The following INPP4A variants were observed in gnomAD, a reference collection of about 807,000 sequenced individuals.
INPP4A encodes inositol polyphosphate-4-phosphatase type I A, also known as inositol polyphosphate-4-phosphatase, type I, 107kD.
In INPP4A, 33 loss-of-function variants were observed where a neutral mutation model predicts 119.8. The observed-to-expected ratio is 0.28, with a 90% CI of 0.21 to 0.37. The LOEUF is 0.37. Among genes scored for constraint, INPP4A ranks in the 10% least tolerant of loss-of-function variants. The pLI, the probability that INPP4A is intolerant of heterozygous loss-of-function variation, is 1.00. For missense variants in INPP4A, 956 were observed against 1,289.9 expected (o/e 0.74, Z 3.97); for synonymous variants, 496 against 500.7 (o/e 0.99, Z 0.12).
chr2:98,567,828 C>T (rs1261962221), intron 21 of INPP4A, among the ~76,000 whole-genome samples: 1 of 152,094 alleles, frequency 6.6e-6, no homozygotes. Flanking sequence ...ATTGTGGACA[C>T]CAGGGGTGGA....
chr2:98,555,160 C>G (rs926080247), intron 15 of INPP4A, among the ~76,000 whole-genome samples: 2 of 152,192 alleles, frequency 1.3e-5, no homozygotes, highest in Admixed American at 6.5e-5. Flanking sequence ...CCCACCTCCC[C>G]TATCGAAATT....
intron 4 of INPP4A, among the ~76,000 whole-genome samples, chr2:98,532,412 G>T (rs1054809522): frequency 6.6e-6 from 1 of 151,990 alleles, no homozygotes; most frequent in Non-Finnish European, 1.5e-5. Context: ...TTAAAATTGC[G>T]ATAAAATGTA....
At chr2:98,467,458 C>T (rs867648402) in intron 1 of INPP4A, among the ~76,000 whole-genome samples, 1 of 152,188 alleles carries the variant, frequency 6.6e-6, no homozygotes, top group African/African-American at 2.4e-5. Context: ...CTCCTTTCCC[C>T]TATTATGTTG....
intron 1 of INPP4A, among the ~76,000 whole-genome samples, chr2:98,459,496 TTAATAG>T (rs1221582918): frequency 1.3e-5 from 2 of 152,202 alleles, no homozygotes; most frequent in Non-Finnish European, 2.9e-5. Flanking sequence ...GTGCAACTGG[TTAATAG>T]TAATTCCTTG....
At chr2:98,496,231 G>A (rs977154284) in intron 1 of INPP4A, among the ~76,000 whole-genome samples, 2 of 152,156 alleles carry the variant, frequency 1.3e-5, no homozygotes, top group African/African-American at 4.8e-5. Context: ...TCTCCAAGAG[G>A]AGGGGTCCAG....
chr2:98,453,904 C>T (rs1255980146), intron 1 of INPP4A, among the ~76,000 whole-genome samples: 1 of 152,052 alleles, frequency 6.6e-6, no homozygotes, highest in Non-Finnish European at 1.5e-5. Context: ...GTCGGGGGTT[C>T]AAGACCATCC....
intron 1 of INPP4A, among the ~76,000 whole-genome samples, chr2:98,479,048 C>T (rs1019439691): frequency 6.6e-6 from 1 of 152,146 alleles, no homozygotes; most frequent in South Asian, 2.1e-4. Flanking sequence ...CTTCATAGGT[C>T]GGGCACTTCC....
intron 24 of INPP4A, among the ~76,000 whole-genome samples, chr2:98,585,577 G>C (rs1465167293): frequency 6.6e-6 from 1 of 152,190 alleles, no homozygotes; most frequent in Non-Finnish European, 1.5e-5. Flanking sequence ...AGCACAGGCT[G>C]TCCTCGCCAC....
At chr2:98,539,289 G>C (rs1690941074) in intron 9 of INPP4A, among the ~76,000 whole-genome samples, 1 of 152,174 alleles carries the variant, frequency 6.6e-6, no homozygotes, top group Non-Finnish European at 1.5e-5. Flanking sequence ...CCTGCCCCCA[G>C]CTGCTTGCAC....
At chr2:98,477,213 G>A (rs549561751) in intron 1 of INPP4A, among the ~76,000 whole-genome samples, 4 of 152,348 alleles carry the variant, frequency 2.6e-5, no homozygotes, top group Admixed American at 1.3e-4. Flanking sequence ...GCGGGTGAGC[G>A]GCAGTTGGGG....
intron 1 of INPP4A, among the ~76,000 whole-genome samples, chr2:98,471,489 C>A (rs1675995594): frequency 6.6e-6 from 1 of 152,150 alleles, no homozygotes; most frequent in South Asian, 2.1e-4. Context: ...TTCTGTTAGA[C>A]CATCTGAGAA....
chr2:98,531,777 C>T (rs1200929863), intron 4 of INPP4A, among the ~76,000 whole-genome samples: 2 of 152,152 alleles, frequency 1.3e-5, no homozygotes, highest in Non-Finnish European at 1.5e-5. Flanking sequence ...ACCTTAAAAG[C>T]TGAAAGAATG....
chr2:98,586,883 C>T (rs1226150044), intron 24 of INPP4A, among the ~76,000 whole-genome samples: 1 of 152,340 alleles, frequency 6.6e-6, no homozygotes, highest in Admixed American at 6.5e-5. Context: ...TGCCAGGCTG[C>T]TCTGCAGACA....
At position 98,445,092 on chromosome 2, in the gene INPP4A, G is replaced by T. The variant is rs909056361; in HGVS notation, c.-166+7G>T. ...GGGGGCCGGGGAGCGCCAGGTAGGT[G>T]GGCCGGGCCGGGCAGGAGGCGACGC... On this transcript the variant is annotated splice_region_variant and intron_variant, in intron 1 of 24. Coordinates refer to ENST00000409851, the MANE Select transcript of INPP4A (RefSeq NM_001134225.2). 1 of 149,706 alleles carries T rather than the reference G, an allele frequency of 6.7e-6. No homozygotes were observed. Among genetic ancestry groups the T allele is most frequent in the African/African-American group, 2.4e-5 (1 of 41,062 alleles). The allele number at this position is 149,706 out of a possible 1,614,324, so 9.3% of individuals were successfully genotyped here. A position where few individuals can be genotyped will look rare whatever the true frequency, so the allele number is the denominator to read the frequency against.
chr2:98,564,458 T>C (rs931432672), intron 18 of INPP4A, among the ~76,000 whole-genome samples, 182 bp from the exon 19 acceptor site: 1 of 152,184 alleles, frequency 6.6e-6, no homozygotes, highest in Non-Finnish European at 1.5e-5. Context: ...AGCCCACTGT[T>C]GGGCGTCTTC....
chr2:98,534,279 C>A (rs1046195827), intron 5 of INPP4A, among the ~76,000 whole-genome samples: 3 of 152,206 alleles, frequency 2.0e-5, no homozygotes, highest in Non-Finnish European at 4.4e-5. Context: ...AGGGCACAGT[C>A]CCTGCCCTGA....
intron 1 of INPP4A, among the ~76,000 whole-genome samples, chr2:98,483,837 GAT>G (rs1191109304): frequency 6.6e-6 from 1 of 152,126 alleles, no homozygotes; most frequent in African/African-American, 2.4e-5. Flanking sequence ...GCACCCAACA[GAT>G]GGACTGCATC....
At chr2:98,536,785 G>A (rs1690368198) in intron 7 of INPP4A, among the ~76,000 whole-genome samples, 2 of 152,204 alleles carry the variant, frequency 1.3e-5, no homozygotes, top group Admixed American at 6.5e-5. Flanking sequence ...GTAATCTAGA[G>A]TAGCAAGGAA....
intron 1 of INPP4A, among the ~76,000 whole-genome samples, chr2:98,511,790 T>C (rs1011255161): frequency 6.6e-6 from 1 of 152,228 alleles, no homozygotes; most frequent in Non-Finnish European, 1.5e-5. Flanking sequence ...TCACCAGGTC[T>C]GATGCCATTG....
Sources: gnomAD v4.1 joint callset for allele counts (sites outside exome capture counted in the v4.1 genomes callset) on GRCh38, gnomAD v4.1.1 for gene constraint, MANE v1.5 for transcripts, NCBI Gene and HGNC (gene_info 2026-07-23, HGNC 2026-07-21) for gene names.